Variants in BICDL1 observed in about 807,000 individuals in gnomAD.
BICDL1 encodes the protein BICD family-like cargo adapter 1.
A neutral mutation model predicts 76.8 loss-of-function variants in BICDL1; 20 were observed. The observed-to-expected ratio is 0.26, with a 90% CI of 0.18 to 0.38. The LOEUF (loss-of-function observed/expected upper bound fraction) is 0.38. Ranked by LOEUF, BICDL1 falls within the 10% of genes least tolerant of loss-of-function variation. BICDL1 has a pLI of 1.00. For synonymous variants in BICDL1, 383 were observed against 337.1 expected, an observed-to-expected ratio of 1.14 and a Z score of -1.49; for missense variants, 700 against 798.6, an observed-to-expected ratio of 0.88 and a Z score of 1.49.
chr12:120,073,612 C>T (rs185190931), intron 6 of BICDL1, among the ~76,000 whole-genome samples: 131 of 152,302 alleles, frequency 8.6e-4, no homozygotes, highest in African/African-American at 3.1e-3. Context: ...ACATTTCTCC[C>T]CGACTTACCC....
chr12:120,067,051 A>G (rs1378224928), intron 4 of BICDL1, among the ~76,000 whole-genome samples: 2 of 152,244 alleles, frequency 1.3e-5, no homozygotes, highest in Non-Finnish European at 2.9e-5. Context: ...CAAACAACTG[A>G]TCAAATCCAA....
chr12:120,034,714 G>A (rs912482460), intron 2 of BICDL1, among the ~76,000 whole-genome samples: 4 of 152,090 alleles, frequency 2.6e-5, no homozygotes, highest in Admixed American at 2.0e-4. Flanking sequence ...CTGGAGCTCC[G>A]TGTCCTCTTC....
At chr12:120,019,690 T>TC (rs1952140363) in intron 2 of BICDL1, among the ~76,000 whole-genome samples, 1 of 152,060 alleles carries the variant, frequency 6.6e-6, no homozygotes, top group East Asian at 1.9e-4. Context: ...GCTCAACAGA[T>TC]CCCCCTGCCT....
chr12:119,997,305 A>T (rs921429840), intron 1 of BICDL1, among the ~76,000 whole-genome samples: 7 of 152,182 alleles, frequency 4.6e-5, no homozygotes, highest in Non-Finnish European at 1.0e-4. Flanking sequence ...GAGCTGCTAC[A>T]TTAAACCATA....
Position 120,080,847 on chromosome 12 carries a change from C to G in BICDL1, c.1453-40C>G, listed in dbSNP as rs371725753. On this transcript the variant is annotated intron_variant, in intron 7 of 9. Coordinates refer to ENST00000548673, the MANE Select transcript of BICDL1 (RefSeq NM_001367886.1). ...TTTCCCTCTTGGAGGGAAAACCACCCAGGACAGCAGCAGTGATACCATATT... is the reference window on the plus strand; with the variant it reads ...TTTCCCTCTTGGAGGGAAAACCACCGAGGACAGCAGCAGTGATACCATATT... 2.0e-4 allele frequency: 321 copies of G among 1,603,452 alleles called. 1 individual carries two copies. In the East Asian group the frequency reaches 5.0e-3, roughly 25 times the overall value.
intron 2 of BICDL1, among the ~76,000 whole-genome samples, chr12:120,056,671 C>T (rs937753073): frequency 6.6e-6 from 1 of 151,816 alleles, no homozygotes; most frequent in Non-Finnish European, 1.5e-5. Context: ...TAGCCGAGAT[C>T]GCGCTACTGC....
At chr12:120,002,107 T>A (rs1302802121) in intron 2 of BICDL1, among the ~76,000 whole-genome samples, 2 of 152,178 alleles carry the variant, frequency 1.3e-5, no homozygotes, top group Non-Finnish European at 2.9e-5. Context: ...ATCACCATTA[T>A]CTAATTAGAG....
chr12:120,018,624 A>G (rs1952113863), intron 2 of BICDL1, among the ~76,000 whole-genome samples: 1 of 152,002 alleles, frequency 6.6e-6, no homozygotes, highest in Non-Finnish European at 1.5e-5. Context: ...GTTGATTACC[A>G]GTTGTGTTGG....
At chr12:120,060,825 C>A (rs972467187) in intron 2 of BICDL1, among the ~76,000 whole-genome samples, 1 of 152,232 alleles carries the variant, frequency 6.6e-6, no homozygotes. Context: ...CCTACCACTT[C>A]AACATTATCA....
At chr12:120,009,986 G>T (rs920009673) in intron 2 of BICDL1, among the ~76,000 whole-genome samples, 3 of 152,136 alleles carry the variant, frequency 2.0e-5, no homozygotes, top group Non-Finnish European at 4.4e-5. Context: ...GCTCTTCAGG[G>T]ATTCTGCAAA....
At position 120,008,935 on chromosome 12, in the gene BICDL1, G is replaced by T. The variant is rs190983485; in HGVS notation, c.645+10199G>T. 9.4e-4 allele frequency among the ~76,000 whole-genome samples: 143 copies of T among 151,492 alleles called. 1 individual carries two copies. The highest frequency in any genetic ancestry group is 3.1e-3 in the African/African-American group (130 of 41,290). Reference sequence around the variant, plus strand: ...TAGGGTGGTAATTGCTTATTCTTCCGGCATAGAGGTGTTTTTTTTTTTTTT... The same window carrying T: ...TAGGGTGGTAATTGCTTATTCTTCCTGCATAGAGGTGTTTTTTTTTTTTTT... On this transcript the variant is annotated intron_variant, in intron 2 of 9. Coordinates refer to ENST00000548673, the MANE Select transcript of BICDL1 (RefSeq NM_001367886.1).
chr12:120,047,445 T>G (rs1335648347), intron 2 of BICDL1, among the ~76,000 whole-genome samples: 1 of 152,230 alleles, frequency 6.6e-6, no homozygotes, highest in Non-Finnish European at 1.5e-5. Context: ...CTAACTTTGT[T>G]GACCCATGCC....
chr12:120,054,903 T>A (rs1952943136), intron 2 of BICDL1, among the ~76,000 whole-genome samples: 1 of 152,092 alleles, frequency 6.6e-6, no homozygotes, highest in Non-Finnish European at 1.5e-5. Context: ...AACGTAGGAA[T>A]GCTATTGATA....
At chr12:120,060,015 G>A (rs1415917729) in intron 2 of BICDL1, among the ~76,000 whole-genome samples, 1 of 152,188 alleles carries the variant, frequency 6.6e-6, no homozygotes, top group African/African-American at 2.4e-5. Context: ...ACCCAACCCA[G>A]CCCAAAGTTT....
intron 3 of BICDL1, among the ~76,000 whole-genome samples, chr12:120,063,993 A>T (rs74853946): frequency 0.011 from 1,725 of 152,340 alleles, 27 homozygotes; most frequent in Non-Finnish European, 0.018. Flanking sequence ...AGATTTACTT[A>T]TGTGGAGACT....
At chr12:120,051,715 A>T (rs533233394) in intron 2 of BICDL1, among the ~76,000 whole-genome samples, 1 of 152,266 alleles carries the variant, frequency 6.6e-6, no homozygotes, top group Non-Finnish European at 1.5e-5. Context: ...AGCTCCCCCT[A>T]ATGTTAACAT....
chr12:120,032,765 T>TTTTTA (rs1444095961), intron 2 of BICDL1, among the ~76,000 whole-genome samples: 1 of 149,922 alleles, frequency 6.7e-6, no homozygotes, highest in African/African-American at 2.5e-5. Flanking sequence ...TTTTTTTTTT[T>TTTTTA]GAGATGGAGT....
intron 2 of BICDL1, among the ~76,000 whole-genome samples, chr12:120,039,033 C>G (rs1261798027): frequency 2.0e-5 from 3 of 152,130 alleles, no homozygotes; most frequent in Non-Finnish European, 4.4e-5. Flanking sequence ...CACGGTGACT[C>G]AGCCTGTAAA....
intron 6 of BICDL1, among the ~76,000 whole-genome samples, chr12:120,073,271 C>G (rs906258272): frequency 6.6e-6 from 1 of 152,258 alleles, no homozygotes; most frequent in African/African-American, 2.4e-5. Context: ...ACCAGGTACA[C>G]ATAGAGCCTT....
Sources: gnomAD v4.1 joint callset for allele counts (sites outside exome capture counted in the v4.1 genomes callset) on GRCh38, gnomAD v4.1.1 for gene constraint, MANE v1.5 for transcripts, NCBI Gene and HGNC (gene_info 2026-07-23, HGNC 2026-07-21) for gene names.